Variants in PUM3 observed in about 807,000 individuals in gnomAD.
The protein encoded by PUM3 is pumilio homolog 3.
In PUM3, 91 loss-of-function variants were observed where a neutral mutation model predicts 84.0. The observed-to-expected ratio is 1.08, with a 90% CI of 0.91 to 1.29. The LOEUF (loss-of-function observed/expected upper bound fraction) is 1.29, where lower values mean the gene tolerates loss of function less well. PUM3 is among the 50% of genes most tolerant of loss of function. The pLI is 0.00. For missense variants in PUM3, 1,067 were observed against 767.5 expected (o/e 1.39, Z -4.61); for synonymous variants, 321 against 266.7 (o/e 1.20, Z -1.98).
chr9:2,823,488 T>G (rs1323985451), intron 12 of PUM3, among the ~76,000 whole-genome samples: 1 of 152,090 alleles, frequency 6.6e-6, no homozygotes. Context: ...TTAACATGAC[T>G]GGACAAATTC....
intron 13 of PUM3, among the ~76,000 whole-genome samples, chr9:2,819,514 T>C (rs2129820597): frequency 6.6e-6 from 1 of 152,338 alleles, no homozygotes; most frequent in Non-Finnish European, 1.5e-5. Context: ...GTGAGTTTTG[T>C]ACATTTCTCT....
At position 2,834,164 on chromosome 9, in the gene PUM3, A is replaced by G. The variant is rs1200376462; in HGVS notation, c.307T>C (p.Ser103Pro). The G allele has an allele frequency of 6.2e-7, 1 of 1,609,242 alleles. No homozygotes were observed. Among genetic ancestry groups the G allele is most frequent in the Middle Eastern group, 1.7e-4 (1 of 6,022 alleles). The part of the protein sequence containing the change: ...KFQPDGRSDE[S>P]AAKKPKWDDF... ...TCCCATTTGGGCTTCTTGGCTGCTG[A>G]TTCTAGTTATTATAGAAATTATTTT... is the stretch of plus-strand genomic sequence containing the variant. Residue 103 changes from serine (S) to proline (P), a missense_variant and splice_region_variant, in exon 4 of 18, where the codon TCA becomes CCA. Coordinates refer to ENST00000397885, the MANE Select transcript of PUM3 (RefSeq NM_014878.5).
intron 1 of PUM3, among the ~76,000 whole-genome samples, chr9:2,839,253 C>T (rs1816207466): frequency 1.3e-5 from 2 of 152,172 alleles, no homozygotes; most frequent in Non-Finnish European, 2.9e-5. Context: ...AGAGAAAAAG[C>T]CATTTGGCTC....
chr9:2,808,763 T>G (rs1821310410), intron 16 of PUM3, among the ~76,000 whole-genome samples: 1 of 152,206 alleles, frequency 6.6e-6, no homozygotes, highest in Middle Eastern at 3.2e-3. Flanking sequence ...TCCTGTCCTG[T>G]GTGCTCTTCT....
intron 13 of PUM3, among the ~76,000 whole-genome samples, chr9:2,817,461 T>A (rs1563828233): frequency 6.6e-6 from 1 of 152,194 alleles, no homozygotes; most frequent in Admixed American, 6.5e-5. Flanking sequence ...AATTATTAAC[T>A]GGCCCTTTAT....
intron 16 of PUM3, among the ~76,000 whole-genome samples, chr9:2,808,672 G>C (rs536403199): frequency 1.2e-4 from 19 of 152,296 alleles, no homozygotes; most frequent in African/African-American, 4.1e-4. Context: ...TGGCTATTCA[G>C]CCTTTCATGG....
At chr9:2,821,734 T>C (rs150361584) in intron 12 of PUM3, among the ~76,000 whole-genome samples, 2 of 152,300 alleles carry the variant, frequency 1.3e-5, no homozygotes, top group Admixed American at 6.5e-5. Flanking sequence ...AGGTATGAGC[T>C]GATCCAGTGA....
At chr9:2,811,283 C>T (rs1821363724) in intron 15 of PUM3, 78 bp downstream of exon 15, 2 of 1,193,534 alleles carry the variant, frequency 1.7e-6, no homozygotes, top group African/African-American at 1.5e-5. Flanking sequence ...AGCTTTCTTA[C>T]TGACACCCCA....
chr9:2,807,466 G>A (rs1209123934), intron 17 of PUM3, among the ~76,000 whole-genome samples: 4 of 151,310 alleles, frequency 2.6e-5, no homozygotes, highest in Non-Finnish European at 4.4e-5. Flanking sequence ...AGTTGGGTGT[G>A]GTGGCATGCG....
chr9:2,843,624 G>C (rs1466780125), intron 1 of PUM3, among the ~76,000 whole-genome samples: 1 of 144,598 alleles, frequency 6.9e-6, no homozygotes, highest in African/African-American at 2.6e-5. Context: ...TGTCTCCCAG[G>C]CTGGAGTGTA....
At position 2,838,532 on chromosome 9, in the gene PUM3, C is replaced by A; in HGVS notation, c.-10-15G>T. On this transcript the variant is annotated splice_polypyrimidine_tract_variant and intron_variant, in intron 1 of 17. Coordinates refer to ENST00000397885, the MANE Select transcript of PUM3 (RefSeq NM_014878.5). ...TCGTAGCAACTCTGGAAAACCAAAA[C>A]CAAAACCAAAAACAATCACTGCAGT... is the stretch of plus-strand genomic sequence containing the variant. 6.5e-7 allele frequency: 1 copy of A among 1,534,798 alleles called. No homozygotes were observed. The highest frequency in any genetic ancestry group is 9.0e-7 in the Non-Finnish European group (1 of 1,108,124).
chr9:2,825,537 C>T (rs540974781), intron 10 of PUM3, among the ~76,000 whole-genome samples: 3 of 151,910 alleles, frequency 2.0e-5, no homozygotes, highest in African/African-American at 4.8e-5. Context: ...GGCTGGAGTG[C>T]AGTGGTGCCA....
intron 13 of PUM3, 132 bp downstream of exon 13, chr9:2,819,881 ATTAAC>A: frequency 2.0e-6 from 1 of 507,066 alleles, no homozygotes; most frequent in Non-Finnish European, 3.6e-6. Context: ...ATAAAACATA[ATTAAC>A]TTAAAAGTAA....
rs1255786133 is a variant in PUM3 at position 2,816,362 on chromosome 9, C to G, written c.1269+3656G>C. Among the ~76,000 whole-genome samples, 3 of 152,146 alleles carry G rather than the reference C, an allele frequency of 2.0e-5. No individual in the cohort carries two copies. In the East Asian group the frequency reaches 5.8e-4, roughly 29 times the overall value. ...CCAAAAGTCTACCTTTTCAGCTGCA[C>G]TAAAAAAACTGGAAGGTCTAGTTTA... is the stretch of plus-strand genomic sequence containing the variant. On this transcript the variant is annotated intron_variant, in intron 13 of 17. Transcript: ENST00000397885.
chr9:2,824,238 T>A (rs767450226), intron 11 of PUM3, among the ~76,000 whole-genome samples: 36 of 152,318 alleles, frequency 2.4e-4, no homozygotes, highest in Non-Finnish European at 4.4e-4. Context: ...AACTATCTTT[T>A]AAAGGCAGAA....
chr9:2,836,713 C>T (rs1007992722), intron 3 of PUM3, among the ~76,000 whole-genome samples: 1 of 152,074 alleles, frequency 6.6e-6, no homozygotes, highest in East Asian at 1.9e-4. Flanking sequence ...CATCCTTAAC[C>T]AAGGCTGACA....
At chr9:2,823,334 TA>T (rs1190772395) in intron 12 of PUM3, among the ~76,000 whole-genome samples, 1 of 151,880 alleles carries the variant, frequency 6.6e-6, no homozygotes, top group Admixed American at 6.6e-5. Flanking sequence ...AATTTATTCT[TA>T]AAAAAAAGAT....
chr9:2,834,716 G>T (rs990461910), intron 3 of PUM3, among the ~76,000 whole-genome samples: 1 of 152,146 alleles, frequency 6.6e-6, no homozygotes, highest in African/African-American at 2.4e-5. Context: ...CACACAACCT[G>T]CAATGGTAGA....
chr9:2,804,455 T>C lies in PUM3; in HGVS notation c.1823A>G (p.Gln608Arg). 2 of 1,613,444 alleles carry C rather than the reference T, an allele frequency of 1.2e-6. No homozygotes were observed. The highest frequency in any genetic ancestry group is 1.7e-6 in the Non-Finnish European group (2 of 1,179,778). ...RGAIILSSLL[Q>R]SCDLEVANKV... ...GTTTGCAACTTCCAGGTCACAACTC[T>C]GGAGGAGGCTGAAGAGAGGAAAAAA... Residue 608 changes from glutamine (Q) to arginine (R), a missense_variant, in exon 18 of 18, where the codon CAG becomes CGG. By Grantham distance (43) the Gln-to-Arg change is conservative (BLOSUM62 1). Transcript: ENST00000397885.
Sources: gnomAD v4.1 joint callset for allele counts (sites outside exome capture counted in the v4.1 genomes callset) on GRCh38, gnomAD v4.1.1 for gene constraint, MANE v1.5 for transcripts, NCBI Gene and HGNC (gene_info 2026-07-23, HGNC 2026-07-21) for gene names.